CTU1: variants seen among roughly 807,000 people sequenced by gnomAD.
CTU1 encodes cytosolic thiouridylase subunit 1.
A neutral mutation model predicts 12.9 loss-of-function variants in CTU1; 15 were observed. The ratio of observed to expected loss-of-function variants is 1.16; its 90% CI spans 0.78 to 1.79. The LOEUF (loss-of-function observed/expected upper bound fraction) is 1.79. CTU1 is among the 40% of genes most tolerant of loss of function. CTU1 has a pLI of 0.00. For synonymous variants in CTU1, 295 were observed against 275.6 expected (o/e 1.07, Z -0.70); for missense variants, 553 against 550.5 (o/e 1.00, Z -0.05).
intron 2 of CTU1, 120 bp from the exon 3 acceptor site, chr19:51,099,259 G>A: frequency 2.3e-6 from 2 of 863,172 alleles, no homozygotes; most frequent in South Asian, 1.7e-5. Context: ...AGAGACCCAC[G>A]GAGACCCAGG....
intron 1 of CTU1, among the ~76,000 whole-genome samples, chr19:51,106,109 C>A (rs1180326657): frequency 6.6e-6 from 1 of 152,182 alleles, no homozygotes; most frequent in African/African-American, 2.4e-5. Flanking sequence ...CCCCTGGATC[C>A]CATCTCACTT....
intron 2 of CTU1, among the ~76,000 whole-genome samples, chr19:51,099,965 GGA>G (rs2091903256): frequency 6.6e-6 from 1 of 152,118 alleles, no homozygotes; most frequent in Non-Finnish European, 1.5e-5. Flanking sequence ...GGCAGAAAAG[GGA>G]GAGATAGGGC....
chr19:51,102,509 C>T (rs1211496519), intron 2 of CTU1, among the ~76,000 whole-genome samples: 2 of 152,190 alleles, frequency 1.3e-5, no homozygotes, highest in African/African-American at 4.8e-5. Flanking sequence ...CTACTTTTGC[C>T]TTCATATGCT....
intron 1 of CTU1, among the ~76,000 whole-genome samples, chr19:51,106,406 C>T (rs1250052321): frequency 6.6e-6 from 1 of 152,208 alleles, no homozygotes; most frequent in Non-Finnish European, 1.5e-5. Context: ...TCCTTCTGTG[C>T]TCCTGGATTT....
intron 1 of CTU1, among the ~76,000 whole-genome samples, chr19:51,106,472 C>A (rs1253111488): frequency 6.6e-6 from 1 of 151,834 alleles, no homozygotes; most frequent in East Asian, 1.9e-4. Flanking sequence ...CTGCCTAGCA[C>A]CCATCTCTTT....
chr19:51,102,707 T>C (rs1006784477), intron 2 of CTU1, among the ~76,000 whole-genome samples: 1 of 152,172 alleles, frequency 6.6e-6, no homozygotes, highest in Non-Finnish European at 1.5e-5. Flanking sequence ...GCCTACAGGG[T>C]AAGGCCTGAC....
chr19:51,107,838 C>G (rs879032588), intron 1 of CTU1, among the ~76,000 whole-genome samples: 1 of 152,104 alleles, frequency 6.6e-6, no homozygotes, highest in Admixed American at 6.5e-5. Context: ...CTGAGTCGAG[C>G]GCCTCCACCA....
chr19:51,099,346 G>A (rs1174320238), intron 2 of CTU1, among the ~76,000 whole-genome samples: 1 of 152,038 alleles, frequency 6.6e-6, no homozygotes, highest in Non-Finnish European at 1.5e-5. Context: ...CCCAAACATG[G>A]TGTGACAGCC....
chr19:51,107,581 G>A (rs2091923577), intron 1 of CTU1, among the ~76,000 whole-genome samples: 1 of 152,196 alleles, frequency 6.6e-6, no homozygotes, highest in Non-Finnish European at 1.5e-5. Flanking sequence ...GTAGAGGTGG[G>A]AAGAAGTGAA....
chr19:51,105,378 T>C (rs1479787440), intron 1 of CTU1, among the ~76,000 whole-genome samples: 1 of 152,008 alleles, frequency 6.6e-6, no homozygotes, highest in Non-Finnish European at 1.5e-5. Context: ...CGGCCCATCT[T>C]TGACCTTCAT....
In CTU1 at chr19:51,098,606, A is replaced by G. The variant is rs2091897328; in HGVS notation, c.1042T>C (p.Phe348Leu). 7 of 1,297,218 alleles carry G rather than the reference A, an allele frequency of 5.4e-6. No homozygotes were observed. The highest frequency in any genetic ancestry group is 6.9e-6 in the Non-Finnish European group (7 of 1,020,566). 80.4% of individuals were successfully genotyped at this position (1,297,218 alleles called of 1,614,324 possible). ...CGGCGGGAGGCCCGAAGTCGCTAGAAGGTGGGGACGGCCTTGGAGGCGGGG... is the reference window on the plus strand; with the variant it reads ...CGGCGGGAGGCCCGAAGTCGCTAGAGGGTGGGGACGGCCTTGGAGGCGGGG... ...RPPASKAVPT[F>L] is the part of the protein sequence containing the mutation. Residue 348 changes from phenylalanine (F) to leucine (L), a missense_variant, in exon 3 of 3, where the codon TTC becomes CTC. Transcript: ENST00000421832. This position sits in a 1 kb window ranked among gnomAD's most constrained non-coding sequence, Gnocchi z 4.3.
intron 2 of CTU1, among the ~76,000 whole-genome samples, chr19:51,100,824 A>G (rs2091905573): frequency 6.6e-6 from 1 of 152,166 alleles, no homozygotes; most frequent in Admixed American, 6.5e-5. Context: ...TGAAATTTGA[A>G]GTAATTTGTT....
At chr19:51,103,827 C>G (rs894308264) in intron 2 of CTU1, among the ~76,000 whole-genome samples, 1 of 152,200 alleles carries the variant, frequency 6.6e-6, no homozygotes, top group Non-Finnish European at 1.5e-5. Flanking sequence ...CCTTTGTGAT[C>G]ACTGCCTGGC....
At chr19:51,102,639 C>G (rs902229133) in intron 2 of CTU1, among the ~76,000 whole-genome samples, 7 of 152,212 alleles carry the variant, frequency 4.6e-5, no homozygotes, top group African/African-American at 1.7e-4. Flanking sequence ...TCGCCATGGC[C>G]TGGGTGAGCT....
Position 51,104,471 on chromosome 19 carries a change from G to A in CTU1, c.99C>T (p.Ala33=). Residue 33 remains alanine, a synonymous_variant, in exon 2 of 3, where the codon GCC becomes GCT. Transcript: ENST00000421832. ...QALCGACFCA[A]FEAEVLHTVL... ...CCGTGTGCAGCACCTCGGCCTCGAA[G>A]GCGGCGCAGAAGCAGGCACCGCACA... The A allele has an allele frequency of 7.6e-7, 1 of 1,315,096 alleles. No homozygotes were observed. The highest frequency in any genetic ancestry group is 9.7e-7 in the Non-Finnish European group (1 of 1,033,706). The allele number at this position is 1,315,096 out of a possible 1,614,324, so 81.5% of individuals were successfully genotyped here.
At chr19:51,099,490 G>A (rs2091902165) in intron 2 of CTU1, among the ~76,000 whole-genome samples, 1 of 152,134 alleles carries the variant, frequency 6.6e-6, no homozygotes, top group Admixed American at 6.5e-5. Flanking sequence ...AAGCAGCCAG[G>A]TGCAGGCTGC....
At chr19:51,107,990 G>A (rs79335360) in intron 1 of CTU1, among the ~76,000 whole-genome samples, 41 of 152,278 alleles carry the variant, frequency 2.7e-4, no homozygotes, top group African/African-American at 9.9e-4. Flanking sequence ...GTATCTGTAG[G>A]ATGAGGGAAT....
Position 51,104,506 on chromosome 19 carries a change from C to A in CTU1, c.64G>T (p.Gly22Cys). Residue 22 changes from glycine to cysteine, a missense_variant, in exon 2 of 3, where the codon GGC becomes TGC. Gly to Cys is a radical substitution (Grantham distance 159). Coordinates refer to ENST00000421832, the MANE Select transcript of CTU1 (RefSeq NM_145232.4). ...ARAALRRPLS[G>C]QALCGACFCA... ...AAGCAGGCACCGCACAGCGCTTGGC[C>A]CGAGAGCGGACGGCGGAGGGCGGCG... is the stretch of plus-strand genomic sequence containing the variant. 1 of 1,285,900 alleles carries A rather than the reference C, an allele frequency of 7.8e-7. No individual in the cohort carries two copies. Among genetic ancestry groups the A allele is most frequent in the Non-Finnish European group, 9.8e-7 (1 of 1,018,308 alleles). The allele number at this position is 1,285,900 out of a possible 1,614,324, so 79.7% of individuals were successfully genotyped here.
chr19:51,098,990 C>T lies in CTU1; in HGVS notation c.658G>A (p.Glu220Lys), dbSNP rs2091899943. 1 of 1,541,530 alleles carries T rather than the reference C, an allele frequency of 6.5e-7. No homozygotes were observed. The highest frequency in any genetic ancestry group is 2.5e-5 in the East Asian group (1 of 40,164). ...CGGAAGTGCGCGTACAGCACCACCT[C>T]CTTCTGCGAGGCGAACTGCAGCGGG... ...CRPLQFASQKEVVLYAHFRRL... is the reference protein window; with the variant it reads ...CRPLQFASQKKVVLYAHFRRL... Residue 220 changes from glutamate (E) to lysine (K), a missense_variant, in exon 3 of 3, where the codon GAG (glutamate) becomes AAG (lysine). Physicochemically the swap from Glu to Lys is moderately conservative, Grantham distance 56. This residue lies in a region of CTU1 where 500 missense variants were observed against 458.5 expected (regional missense o/e 1.09). Transcript: ENST00000421832. This position sits in a 1 kb window ranked among gnomAD's most constrained non-coding sequence, Gnocchi z 4.3.
Sources: gnomAD v4.1 joint callset for allele counts (sites outside exome capture counted in the v4.1 genomes callset) on GRCh38, gnomAD v4.1.1 for gene constraint, gnomAD v4.1.1 regional missense constraint, Gnocchi (gnomAD v3.1) non-coding constraint, MANE v1.5 for transcripts, NCBI Gene and HGNC (gene_info 2026-07-23, HGNC 2026-07-21) for gene names.